LTBP1: variants seen among roughly 807,000 people sequenced by gnomAD.
The protein encoded by LTBP1 is latent transforming growth factor beta binding protein 1, also known as latent-transforming growth factor beta-binding protein 1.
A neutral mutation model predicts 207.6 loss-of-function variants in LTBP1; 129 were observed. The observed-to-expected ratio is 0.62, with a 90% CI of 0.54 to 0.72. The LOEUF (loss-of-function observed/expected upper bound fraction) is 0.72, where lower values mean the gene tolerates loss of function less well. Among genes scored for constraint, LTBP1 ranks in the 30% least tolerant of loss-of-function variants. The pLI, the probability that LTBP1 is intolerant of heterozygous loss-of-function variation, is 0.00. For synonymous variants in LTBP1, 963 were observed against 833.7 expected (o/e 1.16, Z -2.67); for missense variants, 2,281 against 2,217.2 (o/e 1.03, Z -0.58).
Position 33,363,404 on chromosome 2 carries a change from C to A in LTBP1, c.4285C>A (p.Leu1429Ile). 6.2e-7 allele frequency: 1 copy of A among 1,613,694 alleles called. No homozygotes were observed. The change falls in exon 29 of 34, where the codon CTA (leucine) becomes ATA (isoleucine). Residue 1429 changes from leucine to isoleucine, a missense_variant. Coordinates refer to ENST00000404816, the MANE Select transcript of LTBP1 (RefSeq NM_206943.4). ...GENYKDADEC[L>I]LFGQEICKNG... ...TTTCCCCGTAGATGCAGATGAATGC[C>A]TACTTTTTGGACAAGAAATCTGCAA...
intron 15 of LTBP1, among the ~76,000 whole-genome samples, chr2:33,267,835 G>A (rs1167872868): frequency 6.6e-6 from 1 of 152,190 alleles, no homozygotes; most frequent in African/African-American, 2.4e-5. Context: ...AAGTTACTCA[G>A]CTTCAACTGA....
rs534113952 is a variant in LTBP1 at position 33,176,266 on chromosome 2, G to A, written c.1202-10590G>A. Among the ~76,000 whole-genome samples the A allele has an allele frequency of 2.0e-4, 30 of 151,720 alleles. No individual in the cohort carries two copies. The South Asian group carries it at 4.4e-3, about 22-fold the overall frequency. ...TTCTGAGATGGAGTCTCGCTCTGTC[G>A]CGCAGGCTGGAGTGCAGTGGTGGGA... is the stretch of plus-strand genomic sequence containing the variant. On this transcript the variant is annotated intron_variant, in intron 5 of 33. Transcript: ENST00000404816.
intron 3 of LTBP1, among the ~76,000 whole-genome samples, chr2:33,032,817 A>G (rs2075748772): frequency 6.6e-6 from 1 of 152,222 alleles, no homozygotes; most frequent in African/African-American, 2.4e-5. Flanking sequence ...GTGTAGTAAC[A>G]TGCTGCTTGA....
intron 19 of LTBP1, among the ~76,000 whole-genome samples, chr2:33,290,737 A>G (rs1191952287): frequency 6.6e-6 from 1 of 152,194 alleles, no homozygotes; most frequent in African/African-American, 2.4e-5. Flanking sequence ...ATTTGAGTAG[A>G]TAATGGTACT....
At chr2:32,954,056 C>T (rs1226811284) in intron 2 of LTBP1, among the ~76,000 whole-genome samples, 1 of 152,150 alleles carries the variant, frequency 6.6e-6, no homozygotes, top group African/African-American at 2.4e-5. Flanking sequence ...GTCATTGAGG[C>T]AGGGATGCTT....
rs148300550 is a variant in LTBP1, at chr2:33,384,299, A to G, written c.4712-4885A>G. ...GATCAATGGCCTGGATCTTGTTTAG[A>G]CTACTTAGCGACGGCGTCCCATAGC... is the stretch of plus-strand genomic sequence containing the variant. On this transcript the variant is annotated intron_variant, in intron 31 of 33. Transcript: ENST00000404816. 1.6e-3 allele frequency among the ~76,000 whole-genome samples: 242 copies of G among 152,310 alleles called. 3 individuals are homozygous for G. In the East Asian group the frequency reaches 0.016, roughly 10 times the overall value.
At chr2:33,095,410 G>T (rs1179542788) in intron 3 of LTBP1, among the ~76,000 whole-genome samples, 5 of 152,194 alleles carry the variant, frequency 3.3e-5, no homozygotes, top group Non-Finnish European at 5.9e-5. Flanking sequence ...AAAGCTGAAA[G>T]AACTGAGCTA....
intron 23 of LTBP1, among the ~76,000 whole-genome samples, chr2:33,312,057 A>G (rs896560904): frequency 3.3e-5 from 5 of 152,194 alleles, no homozygotes; most frequent in Non-Finnish European, 5.9e-5. Flanking sequence ...GATGGCATGT[A>G]TATACTCACC....
At chr2:33,027,071 C>G (rs1028405380) in intron 3 of LTBP1, among the ~76,000 whole-genome samples, 2 of 152,104 alleles carry the variant, frequency 1.3e-5, no homozygotes, top group African/African-American at 4.8e-5. Context: ...TTCATCTATG[C>G]AGTTGTGTGA....
At chr2:33,162,531 T>C (rs2084556793) in intron 5 of LTBP1, among the ~76,000 whole-genome samples, 1 of 152,222 alleles carries the variant, frequency 6.6e-6, no homozygotes, top group Admixed American at 6.5e-5. Flanking sequence ...AAATTTAAGC[T>C]TTCCTGTTGA....
intron 5 of LTBP1, among the ~76,000 whole-genome samples, chr2:33,181,792 C>G (rs2086665814): frequency 6.6e-6 from 1 of 152,192 alleles, no homozygotes; most frequent in Non-Finnish European, 1.5e-5. Context: ...ATAACGTACT[C>G]TTTTCCTCTT....
At chr2:32,954,823 G>C (rs916936388) in intron 2 of LTBP1, among the ~76,000 whole-genome samples, 1 of 152,118 alleles carries the variant, frequency 6.6e-6, no homozygotes, top group Admixed American at 6.5e-5. Context: ...CTGGGCCCCT[G>C]CCACACAATC....
chr2:33,230,993 A>G (rs2149553003), intron 9 of LTBP1, among the ~76,000 whole-genome samples: 1 of 152,338 alleles, frequency 6.6e-6, no homozygotes, highest in East Asian at 1.9e-4. Flanking sequence ...TTTTTCATAG[A>G]TCATCTCGAA....
intron 3 of LTBP1, among the ~76,000 whole-genome samples, chr2:33,039,893 A>T (rs2076101473): frequency 6.6e-6 from 1 of 152,092 alleles, no homozygotes; most frequent in African/African-American, 2.4e-5. Flanking sequence ...GAGGTTTTAG[A>T]TGACGAAGCT....
chr2:33,252,898 G>A lies in LTBP1; in HGVS notation c.2167+54G>A, dbSNP rs1234230270. On this transcript the variant is annotated intron_variant, in intron 11 of 33. Coordinates refer to ENST00000404816, the MANE Select transcript of LTBP1 (RefSeq NM_206943.4). ...TAGATTCCCAGCCACATGAGTACAC[G>A]GGACAACTTTGGCACCTTGGGTCAT... 3.6e-5 allele frequency: 52 copies of A among 1,431,816 alleles called. No homozygotes were observed. In the East Asian group the frequency reaches 7.0e-4, roughly 19 times the overall value. 88.7% of individuals were successfully genotyped at this position (1,431,816 alleles called of 1,614,324 possible).
intron 3 of LTBP1, among the ~76,000 whole-genome samples, chr2:33,058,949 C>T (rs139232048): frequency 6.6e-5 from 10 of 152,234 alleles, no homozygotes; most frequent in African/African-American, 1.4e-4. Context: ...AATTTTAGCT[C>T]GGGTTTATGC....
intron 9 of LTBP1, among the ~76,000 whole-genome samples, chr2:33,226,037 A>C (rs552038006): frequency 6.6e-6 from 1 of 152,370 alleles, no homozygotes; most frequent in African/African-American, 2.4e-5. Context: ...GTGCTGCAAT[A>C]ATAAGTTCAA....
intron 26 of LTBP1, among the ~76,000 whole-genome samples, chr2:33,348,360 G>A (rs2094732528): frequency 6.6e-6 from 1 of 152,160 alleles, no homozygotes; most frequent in South Asian, 2.1e-4. Flanking sequence ...TATTTCCTCA[G>A]TTATTAAATA....
chr2:33,208,825 T>C (rs1192372477), intron 7 of LTBP1, among the ~76,000 whole-genome samples: 2 of 150,386 alleles, frequency 1.3e-5, no homozygotes, highest in South Asian at 2.1e-4. Flanking sequence ...AGGTGGGGAG[T>C]AAAACTGAAG....
Sources: gnomAD v4.1 joint callset for allele counts (sites outside exome capture counted in the v4.1 genomes callset) on GRCh38, gnomAD v4.1.1 for gene constraint, MANE v1.5 for transcripts, NCBI Gene and HGNC (gene_info 2026-07-23, HGNC 2026-07-21) for gene names.